Variants in DESI2 observed in about 807,000 individuals in gnomAD.
The protein encoded by DESI2 is desumoylating isopeptidase 2.
DESI2 carries 10 observed loss-of-function variants against 24.1 expected under a neutral mutation model. That is an observed-to-expected ratio of 0.41 (90% CI 0.26 to 0.70). The LOEUF is 0.70. Among genes scored for constraint, DESI2 ranks in the 30% least tolerant of loss-of-function variants. The probability of loss-of-function intolerance (pLI) is 0.29; values close to 1 mark genes in which losing one functional copy is unlikely to be tolerated. For missense variants in DESI2, 122 were observed against 234.9 expected (o/e 0.52, Z 3.14); for synonymous variants, 71 against 87.7 (o/e 0.81, Z 1.06).
intron 4 of DESI2, among the ~76,000 whole-genome samples, chr1:244,693,475 A>C (rs1301018657): frequency 2.0e-5 from 3 of 151,560 alleles, no homozygotes; most frequent in Non-Finnish European, 4.4e-5. Flanking sequence ...TTTGTCACCC[A>C]GGCTGGAGTG....
intron 1 of DESI2, chr1:244,653,929 A>G: frequency 2.1e-6 from 1 of 471,236 alleles, no homozygotes; most frequent in Non-Finnish European, 4.4e-6. Flanking sequence ...TCGTTAAAAT[A>G]TGAATGAGGC....
intron 1 of DESI2, among the ~76,000 whole-genome samples, chr1:244,684,640 T>G (rs1676751876): frequency 2.0e-5 from 3 of 152,218 alleles, no homozygotes; most frequent in Admixed American, 6.5e-5. Context: ...AACCTTATTC[T>G]TTTTTTGATT....
At chr1:244,692,081 A>T in intron 4 of DESI2, 61 bp downstream of exon 4, 1 of 1,332,892 alleles carries the variant, frequency 7.5e-7, no homozygotes, top group East Asian at 2.4e-5. Context: ...ACTATACTTG[A>T]TATCCCACTA....
chr1:244,669,763 C>G (rs540062997), intron 1 of DESI2, among the ~76,000 whole-genome samples: 61 of 152,210 alleles, frequency 4.0e-4, no homozygotes, highest in African/African-American at 1.3e-3. Flanking sequence ...GTGGTCATTC[C>G]TTGGCCACCT....
chr1:244,699,578 C>CAAA (rs559295405), intron 4 of DESI2, among the ~76,000 whole-genome samples: 24 of 66,220 alleles, frequency 3.6e-4, no homozygotes, highest in Admixed American at 6.7e-4. Context: ...GAGACTGTCT[C>CAAA]AAAAAAAAAA....
intron 4 of DESI2, among the ~76,000 whole-genome samples, chr1:244,697,675 C>T (rs375115106): frequency 2.1e-4 from 32 of 152,204 alleles, no homozygotes; most frequent in African/African-American, 7.2e-4. Flanking sequence ...CACTAGATCA[C>T]CTGGCTACTT....
chr1:244,672,818 A>G (rs1676292374), intron 1 of DESI2, among the ~76,000 whole-genome samples: 1 of 152,108 alleles, frequency 6.6e-6, no homozygotes, highest in Non-Finnish European at 1.5e-5. Context: ...TAGAGGTTGC[A>G]GTGAGCCAAG....
In DESI2 at chr1:244,705,604, T is replaced by TTC; in HGVS notation, c.401_402dup (p.Ser136AlafsTer88). The TTC allele has an allele frequency of 6.2e-7, 1 of 1,614,204 alleles. No individual in the cohort carries two copies. Among genetic ancestry groups the TTC allele is most frequent in the Non-Finnish European group, 8.5e-7 (1 of 1,180,028 alleles). On this transcript the variant is annotated frameshift_variant, in exon 5 of 5. Coordinates refer to ENST00000302550, the MANE Select transcript of DESI2 (RefSeq NM_016076.5). LOFTEE classifies it high-confidence loss of function. Reference sequence around the variant, plus strand: ...TCGCTGGATCAATCGACTTGCCTACTTCAGCTCCTGTATACCCTTTCTACA... The same window carrying TTC: ...TCGCTGGATCAATCGACTTGCCTACTTCTCAGCTCCTGTATACCCTTTCTACA...
At chr1:244,662,044 A>G (rs371553720) in intron 1 of DESI2, among the ~76,000 whole-genome samples, 381 of 152,186 alleles carry the variant, frequency 2.5e-3, no homozygotes, top group African/African-American at 8.2e-3. Flanking sequence ...AAGTGTTCCT[A>G]TTTCTCCACA....
At chr1:244,701,946 A>G (rs1423027339) in intron 4 of DESI2, among the ~76,000 whole-genome samples, 1 of 152,122 alleles carries the variant, frequency 6.6e-6, no homozygotes, top group African/African-American at 2.4e-5. Context: ...ACATCTTTTT[A>G]TTTTTACCAC....
intron 1 of DESI2, among the ~76,000 whole-genome samples, chr1:244,671,625 CT>C (rs748569754): frequency 1.1e-4 from 16 of 152,312 alleles, no homozygotes; most frequent in Admixed American, 1.0e-3. Context: ...TGTTTTTAAA[CT>C]TTTGGCGTCT....
At chr1:244,679,842 G>T (rs193197228) in intron 1 of DESI2, among the ~76,000 whole-genome samples, 8 of 132,920 alleles carry the variant, frequency 6.0e-5, no homozygotes, top group Admixed American at 3.4e-4. Flanking sequence ...ACTCCATCCT[G>T]GGTGACAGAG....
intron 1 of DESI2, 114 bp downstream of exon 1, chr1:244,653,469 A>C (rs1368611783): frequency 1.8e-6 from 2 of 1,123,866 alleles, no homozygotes; most frequent in Non-Finnish European, 2.5e-6. Context: ...CCTCCAGCCT[A>C]GTTCTCGGGG....
intron 1 of DESI2, among the ~76,000 whole-genome samples, chr1:244,655,773 C>T (rs1295713923): frequency 6.6e-6 from 1 of 152,120 alleles, no homozygotes; most frequent in South Asian, 2.1e-4. Context: ...ATAGGGAAAG[C>T]GCAGGTGGGA....
At chr1:244,661,505 A>C (rs1385788705) in intron 1 of DESI2, among the ~76,000 whole-genome samples, 1 of 151,976 alleles carries the variant, frequency 6.6e-6, no homozygotes, top group Non-Finnish European at 1.5e-5. Flanking sequence ...GGTGTGCTGC[A>C]CCCATTAACT....
chr1:244,656,232 T>C (rs1202037068), intron 1 of DESI2: 1 of 152,216 alleles, frequency 6.6e-6, no homozygotes, highest in Non-Finnish European at 1.5e-5. Context: ...TTGCCATGTG[T>C]CCTTGTGTCT....
chr1:244,660,075 T>C (rs1260816206), intron 1 of DESI2, among the ~76,000 whole-genome samples: 1 of 152,208 alleles, frequency 6.6e-6, no homozygotes, highest in East Asian at 1.9e-4. Flanking sequence ...TAACAAAACA[T>C]TTGAAACTTG....
At chr1:244,702,794 C>A (rs1171134058) in intron 4 of DESI2, among the ~76,000 whole-genome samples, 1 of 152,082 alleles carries the variant, frequency 6.6e-6, no homozygotes, top group Non-Finnish European at 1.5e-5. Context: ...TCACCTGTAG[C>A]ACATGGATAT....
intron 4 of DESI2, among the ~76,000 whole-genome samples, chr1:244,695,311 G>A (rs1677172977): frequency 6.6e-6 from 1 of 152,166 alleles, no homozygotes; most frequent in African/African-American, 2.4e-5. Context: ...AAAAGGACTG[G>A]CATTACCATT....
Sources: gnomAD v4.1 joint callset for allele counts (sites outside exome capture counted in the v4.1 genomes callset) on GRCh38, gnomAD v4.1.1 for gene constraint, MANE v1.5 for transcripts, NCBI Gene and HGNC (gene_info 2026-07-23, HGNC 2026-07-21) for gene names.